Variants in LPP observed in about 807,000 individuals in gnomAD.
LPP encodes the protein lipoma-preferred partner.
In LPP, 38 loss-of-function variants were observed where a neutral mutation model predicts 60.4. The ratio of observed to expected loss-of-function variants is 0.63; its 90% CI spans 0.49 to 0.83. The LOEUF is 0.83. Among genes scored for constraint, LPP ranks in the 40% least tolerant of loss-of-function variants. The pLI is 0.00. For synonymous variants in LPP, 328 were observed against 290.8 expected (o/e 1.13, Z -1.30); for missense variants, 902 against 783.6 (o/e 1.15, Z -1.80).
chr3:188,687,625 T>A (rs1467001539), intron 7 of LPP, among the ~76,000 whole-genome samples: 1 of 152,098 alleles, frequency 6.6e-6, no homozygotes, highest in Non-Finnish European at 1.5e-5. Flanking sequence ...TTAAACCTCT[T>A]TAGAAATTAC....
chr3:188,669,358 C>A (rs183886826), intron 7 of LPP, among the ~76,000 whole-genome samples: 1 of 152,050 alleles, frequency 6.6e-6, no homozygotes, highest in Non-Finnish European at 1.5e-5. Flanking sequence ...GGGCGGATCA[C>A]GAAGTCAGGA....
At chr3:188,204,937 A>G (rs1732747168) in intron 1 of LPP, among the ~76,000 whole-genome samples, 1 of 152,196 alleles carries the variant, frequency 6.6e-6, no homozygotes, top group South Asian at 2.1e-4. Context: ...TTCTTCCAGT[A>G]ACTCTTGCTT....
intron 5 of LPP, among the ~76,000 whole-genome samples, chr3:188,514,732 G>A (rs1321934543): frequency 2.0e-5 from 3 of 152,330 alleles, no homozygotes; most frequent in South Asian, 2.1e-4. Context: ...ATGAGCCACC[G>A]TGCCTGGCGG....
chr3:188,742,232 T>A (rs1031411858), intron 8 of LPP, among the ~76,000 whole-genome samples: 1 of 152,078 alleles, frequency 6.6e-6, no homozygotes, highest in East Asian at 1.9e-4. Context: ...GAAAACAGTT[T>A]GGTAGTGTCT....
At chr3:188,229,702 G>C (rs1242731485) in intron 2 of LPP, among the ~76,000 whole-genome samples, 1 of 152,218 alleles carries the variant, frequency 6.6e-6, no homozygotes, top group East Asian at 1.9e-4. Flanking sequence ...GTAAAAAGTA[G>C]TGATATCTCT....
chr3:188,189,314 C>G (rs987846556), intron 1 of LPP, among the ~76,000 whole-genome samples: 12 of 152,158 alleles, frequency 7.9e-5, no homozygotes, highest in African/African-American at 2.9e-4. Context: ...TCTCAAACTC[C>G]TGAGCTCAAG....
At chr3:188,850,864 G>T (rs2378446) in intron 9 of LPP, among the ~76,000 whole-genome samples, 33,372 of 152,014 alleles carry the variant, frequency 0.22, 5,316 homozygotes, top group East Asian at 0.8. Context: ...GCTTGGGAGA[G>T]TGAGGTGACA....
At chr3:188,286,411 C>T (rs1452827274) in intron 2 of LPP, among the ~76,000 whole-genome samples, 1 of 152,156 alleles carries the variant, frequency 6.6e-6, no homozygotes, top group African/African-American at 2.4e-5. Context: ...GAAGGCAAAA[C>T]TGCTTGTCCT....
At chr3:188,178,058 C>T (rs1160422025) in intron 1 of LPP, among the ~76,000 whole-genome samples, 1 of 152,218 alleles carries the variant, frequency 6.6e-6, no homozygotes, top group South Asian at 2.1e-4. Flanking sequence ...CCTCAGTTTA[C>T]AGGTGTGAGA....
intron 3 of LPP, among the ~76,000 whole-genome samples, chr3:188,374,639 A>G: frequency 6.6e-6 from 1 of 152,198 alleles, no homozygotes; most frequent in Non-Finnish European, 1.5e-5. Context: ...ATATACAATC[A>G]TGTCGTCTGC....
chr3:188,507,923 T>C (rs1814054036), intron 5 of LPP, among the ~76,000 whole-genome samples: 1 of 152,218 alleles, frequency 6.6e-6, no homozygotes, highest in Admixed American at 6.5e-5. Flanking sequence ...TCTTTAATAG[T>C]TGTGATGGCA....
intron 6 of LPP, among the ~76,000 whole-genome samples, chr3:188,582,301 C>T (rs1836426886): frequency 6.6e-6 from 1 of 151,732 alleles, no homozygotes; most frequent in African/African-American, 2.4e-5. Context: ...GCTGTGTCTA[C>T]AGGTGTGCAC....
At chr3:188,200,807 A>C (rs1374139512) in intron 1 of LPP, among the ~76,000 whole-genome samples, 2 of 152,218 alleles carry the variant, frequency 1.3e-5, no homozygotes, top group Admixed American at 6.5e-5. Context: ...AGCCAAGAGA[A>C]TATATCTACC....
chr3:188,872,460 A>G (rs1241990806), intron 10 of LPP, among the ~76,000 whole-genome samples, 183 bp from the exon 11 acceptor site: 4 of 152,170 alleles, frequency 2.6e-5, no homozygotes, highest in African/African-American at 9.7e-5. Flanking sequence ...CACCTCGCCA[A>G]ATATCACAAT....
intron 6 of LPP, among the ~76,000 whole-genome samples, chr3:188,559,586 G>A (rs1479653489): frequency 2.6e-5 from 4 of 151,940 alleles, no homozygotes; most frequent in African/African-American, 7.3e-5. Context: ...TTGTATTTCC[G>A]TGTTCGTAGA....
At chr3:188,483,996 T>C (rs1232136905) in intron 4 of LPP, among the ~76,000 whole-genome samples, 1 of 152,200 alleles carries the variant, frequency 6.6e-6, no homozygotes, top group Non-Finnish European at 1.5e-5. Context: ...TTATTTTACA[T>C]TCCTGTGTCC....
chr3:188,440,621 G>A (rs1793544634), intron 4 of LPP, among the ~76,000 whole-genome samples: 1 of 152,136 alleles, frequency 6.6e-6, no homozygotes, highest in Non-Finnish European at 1.5e-5. Flanking sequence ...CTTTCCCTTA[G>A]ATGTCAATTC....
intron 9 of LPP, among the ~76,000 whole-genome samples, chr3:188,857,503 G>T (rs114328294): frequency 3.9e-4 from 59 of 152,216 alleles, no homozygotes; most frequent in Non-Finnish European, 7.4e-4. Context: ...AGATTAGACG[G>T]GCTCCTGTTT....
At chr3:188,791,485 A>G (rs966590807) in intron 9 of LPP, among the ~76,000 whole-genome samples, 103 of 151,512 alleles carry the variant, frequency 6.8e-4, no homozygotes, top group African/African-American at 2.5e-3. Flanking sequence ...TTGGTGATGT[A>G]TGTTCTGAAT....
Sources: gnomAD v4.1 joint callset for allele counts (sites outside exome capture counted in the v4.1 genomes callset) on GRCh38, gnomAD v4.1.1 for gene constraint, MANE v1.5 for transcripts, NCBI Gene and HGNC (gene_info 2026-07-23, HGNC 2026-07-21) for gene names.